The following LRP12 variants were observed in gnomAD, a reference collection of about 807,000 sequenced individuals.
The protein encoded by LRP12 is low-density lipoprotein receptor-related protein 12.
A neutral mutation model predicts 66.0 loss-of-function variants in LRP12; 14 were observed. The observed-to-expected ratio is 0.21, with a 90% CI of 0.14 to 0.33. The LOEUF is 0.33. Ranked by LOEUF, LRP12 falls within the 10% of genes least tolerant of loss-of-function variation. LRP12 has a pLI of 1.00. For missense variants in LRP12, 889 were observed against 1,053.4 expected, an observed-to-expected ratio of 0.84 and a Z score of 2.16; for synonymous variants, 357 against 359.1, an observed-to-expected ratio of 0.99 and a Z score of 0.07.
rs139839471 is a variant in LRP12 at position 104,536,307 on chromosome 8, G to A, written c.80-4344C>T. On this transcript the variant is annotated intron_variant, in intron 1 of 6. Coordinates refer to ENST00000276654, the MANE Select transcript of LRP12 (RefSeq NM_013437.5). ...TTATTTCTTTAGGGAGGTATCTCTT[G>A]ATTCTCCCATACTAGGTTAGGTCAT... 1.6e-3 allele frequency among the ~76,000 whole-genome samples: 243 copies of A among 152,102 alleles called. 1 individual carries two copies. Among genetic ancestry groups the A allele is most frequent in the African/African-American group, 5.7e-3 (235 of 41,514 alleles).
In LRP12 at chr8:104,497,158, AAC is replaced by A; in HGVS notation, c.1392_1393del (p.Phe465Ter). The A allele has an allele frequency of 6.2e-7, 1 of 1,610,882 alleles. No individual in the cohort carries two copies. Among genetic ancestry groups the A allele is most frequent in the Non-Finnish European group, 8.5e-7 (1 of 1,178,524 alleles). ...TTGAGAATCACACACCCAACTTTCA[AAC>A]ACACAACGATTGTTTTTACAATGGA... On this transcript the variant is annotated frameshift_variant, in exon 5 of 7. Coordinates refer to ENST00000276654, the MANE Select transcript of LRP12 (RefSeq NM_013437.5). LOFTEE classifies it high-confidence loss of function. The surrounding 1 kb of genome is among the most constrained non-coding windows in gnomAD (Gnocchi z 4.3).
chr8:104,585,902 G>C (rs1812322818), intron 1 of LRP12, among the ~76,000 whole-genome samples: 1 of 152,160 alleles, frequency 6.6e-6, no homozygotes, highest in African/African-American at 2.4e-5. Context: ...GGAGACAGAG[G>C]TTTTGGAAAC....
intron 2 of LRP12, among the ~76,000 whole-genome samples, chr8:104,524,344 G>A (rs1447204993): frequency 6.6e-6 from 1 of 151,756 alleles, no homozygotes; most frequent in Non-Finnish European, 1.5e-5. Flanking sequence ...TCAACAGCAT[G>A]CTATTGAGTA....
chr8:104,577,742 C>T lies in LRP12; in HGVS notation c.79+11077G>A, dbSNP rs554716468. 1.4e-3 allele frequency among the ~76,000 whole-genome samples: 206 copies of T among 143,330 alleles called. 1 individual carries two copies. The highest frequency in any genetic ancestry group is 0.011 in the Middle Eastern group (3 of 262). The allele number at this position is 143,330 out of a possible 152,430, so 94.0% of individuals were successfully genotyped here. A position where few individuals can be genotyped will look rare whatever the true frequency, so the allele number is the denominator to read the frequency against. ...AGGGGAATGGCATGAACCAGGGAGG[C>T]GGAGCTTGCAGTGAGCCAAGACTGC... On this transcript the variant is annotated intron_variant, in intron 1 of 6. Transcript: ENST00000276654.
rs185207003 is a variant in LRP12, at chr8:104,518,104, T to C, written c.137-9030A>G. 3.3e-5 allele frequency among the ~76,000 whole-genome samples: 5 copies of C among 152,170 alleles called. No homozygotes were observed. In the East Asian group the frequency reaches 7.7e-4, roughly 24 times the overall value. On this transcript the variant is annotated intron_variant, in intron 2 of 6. Transcript: ENST00000276654. ...AACTTAAAAGGCTAAGTATGACACA[T>C]AGTGCTGAGGATGAGATTTCTGCTT... is the stretch of plus-strand genomic sequence containing the variant.
chr8:104,522,789 C>G (rs1417831547), intron 2 of LRP12, among the ~76,000 whole-genome samples: 1 of 151,934 alleles, frequency 6.6e-6, no homozygotes. Context: ...AAATCTCATT[C>G]TCTTATTCTT....
rs555786475 is a variant in LRP12 at position 104,496,800 on chromosome 8, T to C, written c.1580+172A>G. On this transcript the variant is annotated intron_variant, in intron 5 of 6. Transcript: ENST00000276654. ...CTCTAAATATTTAGTTTGTAATGTG[T>C]CTGGCCTTCTGAGTCTCGGGTTTTT... 3.2e-4 allele frequency among the ~76,000 whole-genome samples: 48 copies of C among 152,350 alleles called. No individual in the cohort carries two copies. The South Asian group carries it at 9.9e-3, about 32-fold the overall frequency.
At chr8:104,535,062 T>C (rs1367356964) in intron 1 of LRP12, among the ~76,000 whole-genome samples, 1 of 151,854 alleles carries the variant, frequency 6.6e-6, no homozygotes, top group African/African-American at 2.4e-5. Flanking sequence ...ATTACTTCTT[T>C]AACTACACAT....
chr8:104,524,479 CA>C (rs1187125597), intron 2 of LRP12, among the ~76,000 whole-genome samples: 1 of 151,904 alleles, frequency 6.6e-6, no homozygotes, highest in African/African-American at 2.4e-5. Context: ...GAGCATGATC[CA>C]AATTAGGCAA....
intron 1 of LRP12, among the ~76,000 whole-genome samples, chr8:104,540,634 T>C (rs561692348): frequency 6.6e-6 from 1 of 152,238 alleles, no homozygotes; most frequent in Non-Finnish European, 1.5e-5. Context: ...TATGTATTTA[T>C]ATGAACTAGC....
intron 1 of LRP12, among the ~76,000 whole-genome samples, chr8:104,585,047 T>G (rs1564151229): frequency 6.6e-6 from 1 of 152,220 alleles, no homozygotes; most frequent in Non-Finnish European, 1.5e-5. Flanking sequence ...GACTCTTGAC[T>G]GTAATAAGCT....
intron 1 of LRP12, among the ~76,000 whole-genome samples, chr8:104,553,755 G>A (rs1172191333): frequency 6.6e-6 from 1 of 151,886 alleles, no homozygotes; most frequent in African/African-American, 2.4e-5. Flanking sequence ...GGGCAAGCTT[G>A]TATCCTCCTT....
chr8:104,579,748 C>T (rs917847821), intron 1 of LRP12, among the ~76,000 whole-genome samples: 2 of 152,144 alleles, frequency 1.3e-5, no homozygotes, highest in Non-Finnish European at 2.9e-5. Flanking sequence ...ACCAATGGAA[C>T]ACAATAGAGA....
chr8:104,495,443 A>T, intron 5 of LRP12: 1 of 389,964 alleles, frequency 2.6e-6, no homozygotes, highest in Non-Finnish European at 4.6e-6. Context: ...TAGATCACTG[A>T]GTTTTAATAA....
rs1811310865 is a variant in LRP12, at chr8:104,530,544, T to C, written c.136+1363A>G. On this transcript the variant is annotated intron_variant, in intron 2 of 6. Coordinates refer to ENST00000276654, the MANE Select transcript of LRP12 (RefSeq NM_013437.5). The stretch of plus-strand genomic sequence containing the variant: ...GACCAACCCTGCCAGCACTTTGATG[T>C]TGGACTTTCAGAACTGTGAGAAAAA... Among the ~76,000 whole-genome samples, 4 of 152,174 alleles carry C rather than the reference T, an allele frequency of 2.6e-5. No individual in the cohort carries two copies. In the South Asian group the frequency reaches 8.3e-4, roughly 31 times the overall value.
intron 3 of LRP12, among the ~76,000 whole-genome samples, chr8:104,501,893 A>G (rs1416138708): frequency 2.0e-5 from 3 of 152,302 alleles, no homozygotes; most frequent in East Asian, 3.9e-4. Context: ...TTGTCCTAAG[A>G]TATCTTGGTG....
In LRP12 at chr8:104,495,198, G is replaced by A. The variant is rs1255501875; in HGVS notation, c.1592C>T (p.Thr531Ile). 6.2e-7 allele frequency: 1 copy of A among 1,612,748 alleles called. No homozygotes were observed. Residue 531 changes from threonine (T) to isoleucine (I), a missense_variant, in exon 6 of 7, where the codon ACA (threonine) becomes ATA (isoleucine). Physicochemically the swap from Thr to Ile is moderately conservative, Grantham distance 89 (BLOSUM62 -1). This residue lies in a region of LRP12 where 800 missense variants were observed against 964.5 expected (regional missense o/e 0.83). Transcript: ENST00000276654. ...LRMFERRSFETQLSRVEAELL... is the reference protein window; with the variant it reads ...LRMFERRSFEIQLSRVEAELL... ...TTCTGCTTCCACTCTTGACAACTGTGTTTCAAATGATCTTTGAGAGTAGAT... is the reference window on the plus strand; with the variant it reads ...TTCTGCTTCCACTCTTGACAACTGTATTTCAAATGATCTTTGAGAGTAGAT...
At chr8:104,588,786 C>A (rs749020883) in intron 1 of LRP12, 33 bp downstream of exon 1, 1 of 1,603,194 alleles carries the variant, frequency 6.2e-7, no homozygotes, top group Non-Finnish European at 8.5e-7. Flanking sequence ...CAGCTTTGTT[C>A]GGTCAGCGGG....
chr8:104,529,832 G>A (rs920128120), intron 2 of LRP12, among the ~76,000 whole-genome samples: 3 of 152,112 alleles, frequency 2.0e-5, no homozygotes, highest in African/African-American at 7.2e-5. Flanking sequence ...AAACTACCTC[G>A]TGTTGAGTTT....
Sources: allele counts gnomAD v4.1 joint callset (sites outside exome capture counted in the v4.1 genomes callset), GRCh38; gene constraint gnomAD v4.1.1; regional missense constraint gnomAD v4.1.1; non-coding constraint Gnocchi (gnomAD v3.1); transcripts MANE v1.5; gene names NCBI Gene and HGNC (gene_info 2026-07-23, HGNC 2026-07-21).